The following UGGT1 variants were observed in gnomAD, a reference collection of about 807,000 sequenced individuals.
UGGT1 encodes UDP-glucose:glycoprotein glucosyltransferase 1.
UGGT1 carries 107 observed loss-of-function variants against 203.9 expected under a neutral mutation model. The observed-to-expected ratio is 0.52, with a 90% CI of 0.45 to 0.62. The LOEUF (loss-of-function observed/expected upper bound fraction) is 0.62. Ranked by LOEUF, UGGT1 falls within the 20% of genes least tolerant of loss-of-function variation. The pLI, the probability that UGGT1 is intolerant of heterozygous loss-of-function variation, is 0.00. For missense variants in UGGT1, 1,673 were observed against 1,867.2 expected (o/e 0.90, Z 1.92); for synonymous variants, 628 against 653.5 (o/e 0.96, Z 0.59).
chr2:128,117,873 C>G (rs1688193105), intron 8 of UGGT1, among the ~76,000 whole-genome samples: 1 of 151,662 alleles, frequency 6.6e-6, no homozygotes, highest in South Asian at 2.1e-4. Context: ...AGCTGTTATT[C>G]TAAAAGTTGA....
chr2:128,097,088 T>C (rs534248213), intron 1 of UGGT1, among the ~76,000 whole-genome samples: 2 of 152,342 alleles, frequency 1.3e-5, no homozygotes, highest in East Asian at 3.9e-4. Flanking sequence ...AAAATTACCT[T>C]GTAGCAGGCC....
In UGGT1 at chr2:128,160,390, A is replaced by G. The variant is rs3991234; in HGVS notation, c.2563-70A>G. 4.9e-4 allele frequency: 716 copies of G among 1,459,598 alleles called. 2 individuals are homozygous for G. The African/African-American group carries it at 9.6e-3, about 20-fold the overall frequency. 90.4% of individuals were successfully genotyped at this position (1,459,598 alleles called of 1,614,324 possible). A position where few individuals can be genotyped will look rare whatever the true frequency, so the allele number is the denominator to read the frequency against. ...GGAAAGAAATTTTTATGGTTTATTC[A>G]CTGTGTTTATTTGTTTATATGGTTT... On this transcript the variant is annotated intron_variant, in intron 23 of 40. Coordinates refer to ENST00000259253, the MANE Select transcript of UGGT1 (RefSeq NM_020120.4).
chr2:128,114,310 G>T (rs1218504638), intron 6 of UGGT1, among the ~76,000 whole-genome samples: 1 of 151,922 alleles, frequency 6.6e-6, no homozygotes, highest in Non-Finnish European at 1.5e-5. Context: ...TAGAGAGGGG[G>T]TTTCACCATG....
At position 128,159,452 on chromosome 2, in the gene UGGT1, A is replaced by G. The variant is rs187600047; in HGVS notation, c.2356-62A>G. 6 of 1,456,114 alleles carry G rather than the reference A, an allele frequency of 4.1e-6. No homozygotes were observed. The African/African-American group carries it at 4.2e-5, about 10-fold the overall frequency. The allele number at this position is 1,456,114 out of a possible 1,614,324, so 90.2% of individuals were successfully genotyped here. A position where few individuals can be genotyped will look rare whatever the true frequency, so the allele number is the denominator to read the frequency against. On this transcript the variant is annotated intron_variant, in intron 22 of 40. Coordinates refer to ENST00000259253, the MANE Select transcript of UGGT1 (RefSeq NM_020120.4). The stretch of plus-strand genomic sequence containing the variant: ...TACTTATTGAACATGACTGATGTTA[A>G]TGCTGCTTTTTAAGTTCAAAAATAT...
At chr2:128,183,334 G>T (rs1027328599) in intron 37 of UGGT1, among the ~76,000 whole-genome samples, 1 of 151,328 alleles carries the variant, frequency 6.6e-6, no homozygotes, top group Non-Finnish European at 1.5e-5. Context: ...TCCCCCCCCT[G>T]TAACATTGAA....
intron 28 of UGGT1, among the ~76,000 whole-genome samples, chr2:128,171,689 G>A (rs1691112505): frequency 6.6e-6 from 1 of 152,054 alleles, no homozygotes. Flanking sequence ...TGTATTTTTA[G>A]TAGAGACGGG....
chr2:128,183,663 T>G lies in UGGT1; in HGVS notation c.4245-12T>G, dbSNP rs1558829772. Reference sequence around the variant, plus strand: ...CATGGTTGGTTGTAACAAGCGGGTCTTCTTTATTCAGTGCACTATATGTTG... The same window carrying G: ...CATGGTTGGTTGTAACAAGCGGGTCGTCTTTATTCAGTGCACTATATGTTG... On this transcript the variant is annotated splice_polypyrimidine_tract_variant and intron_variant, in intron 37 of 40. Coordinates refer to ENST00000259253, the MANE Select transcript of UGGT1 (RefSeq NM_020120.4). The G allele has an allele frequency of 6.2e-7, 1 of 1,605,622 alleles. No individual in the cohort carries two copies. Among genetic ancestry groups the G allele is most frequent in the Non-Finnish European group, 8.5e-7 (1 of 1,173,054 alleles).
intron 9 of UGGT1, 40 bp downstream of exon 9, chr2:128,120,496 C>G: frequency 1.3e-6 from 2 of 1,557,656 alleles, no homozygotes; most frequent in Non-Finnish European, 1.8e-6. Flanking sequence ...TACTTTTTGG[C>G]TAAGTTTTAT....
Position 128,097,432 on chromosome 2 carries a change from T to C in UGGT1, c.62T>C (p.Val21Ala). The change falls in exon 2 of 41, where the codon GTT becomes GCT. Residue 21 changes from valine (V) to alanine (A), a missense_variant. By Grantham distance (64) the Val-to-Ala change is moderately conservative (BLOSUM62 0). Coordinates refer to ENST00000259253, the MANE Select transcript of UGGT1 (RefSeq NM_020120.4). ...CAAGALPVTG[V>A]CYKMGVLVVL... ...TCTTTTCTTTTTTTCCTTTTAGGAG[T>C]TTGCTATAAAATGGGAGTTCTGGTT... 6.2e-7 allele frequency: 1 copy of C among 1,601,556 alleles called. No homozygotes were observed. Among genetic ancestry groups the C allele is most frequent in the Non-Finnish European group, 8.5e-7 (1 of 1,176,916 alleles).
At chr2:128,183,971 G>T (rs1416077908) in intron 38 of UGGT1, among the ~76,000 whole-genome samples, 182 bp downstream of exon 38, 2 of 150,636 alleles carry the variant, frequency 1.3e-5, no homozygotes, top group Non-Finnish European at 3.0e-5. Flanking sequence ...ATTTTTATCT[G>T]CCCTCAAGAC....
At chr2:128,164,960 C>T (rs892482783) in intron 26 of UGGT1, 135 bp downstream of exon 26, 4 of 613,934 alleles carry the variant, frequency 6.5e-6, no homozygotes, top group Admixed American at 3.7e-5. Context: ...GTTTGGTGTG[C>T]AGTTTTCACA....
At chr2:128,157,525 T>C (rs919886793) in intron 22 of UGGT1, among the ~76,000 whole-genome samples, 179 bp downstream of exon 22, 1 of 152,208 alleles carries the variant, frequency 6.6e-6, no homozygotes, top group Non-Finnish European at 1.5e-5. Flanking sequence ...GATCTAAGAC[T>C]ACAGTATCCA....
Position 128,193,906 on chromosome 2 carries a change from G to A in UGGT1, c.*4164G>A, listed in dbSNP as rs1276875557. On this transcript the variant is annotated 3_prime_UTR_variant, in exon 41 of 41. Coordinates refer to ENST00000259253, the MANE Select transcript of UGGT1 (RefSeq NM_020120.4). The stretch of plus-strand genomic sequence containing the variant: ...AAAAGAAAGAACTCAGAGTTACAAG[G>A]GAAAAAGAAAAAGAGTTACAAGGGA... The A allele has an allele frequency of 2.6e-5, 4 of 151,968 alleles. No homozygotes were observed. Among genetic ancestry groups the A allele is most frequent in the Non-Finnish European group, 4.4e-5 (3 of 67,976 alleles). 9.4% of individuals were successfully genotyped at this position (151,968 alleles called of 1,614,324 possible).
intron 34 of UGGT1, 43 bp downstream of exon 34, chr2:128,178,612 G>C (rs773103814): frequency 1.3e-6 from 2 of 1,540,014 alleles, no homozygotes; most frequent in Non-Finnish European, 8.9e-7. Context: ...TGAATGAATT[G>C]GTCAGTGTTC....
rs567938588 is a variant in UGGT1 at position 128,115,066 on chromosome 2, T to C, written c.697-58T>C. 106 of 1,496,262 alleles carry C rather than the reference T, an allele frequency of 7.1e-5. 1 individual carries two copies. Among genetic ancestry groups the C allele is most frequent in the Middle Eastern group, 6.8e-4 (4 of 5,868 alleles). The allele number at this position is 1,496,262 out of a possible 1,614,324, so 92.7% of individuals were successfully genotyped here. On this transcript the variant is annotated intron_variant, in intron 6 of 40. Coordinates refer to ENST00000259253, the MANE Select transcript of UGGT1 (RefSeq NM_020120.4). Reference sequence around the variant, plus strand: ...GCAACATTAACATGGTCATGCCATGTACACTGTGACATAGAAAGAGCTAGG... The same window carrying C: ...GCAACATTAACATGGTCATGCCATGCACACTGTGACATAGAAAGAGCTAGG...
rs1328495104 is a variant in UGGT1 at position 128,191,318 on chromosome 2, G to A, written c.*1576G>A. Reference sequence around the variant, plus strand: ...TCAAATGCAAAAGTTAGCCTAGGAAGCCTCCCAGTCATCCTGAAGGACCTT... The same window carrying A: ...TCAAATGCAAAAGTTAGCCTAGGAAACCTCCCAGTCATCCTGAAGGACCTT... On this transcript the variant is annotated 3_prime_UTR_variant, in exon 41 of 41. Transcript: ENST00000259253. The A allele has an allele frequency of 6.6e-6, 1 of 152,194 alleles. No homozygotes were observed. The highest frequency in any genetic ancestry group is 2.4e-5 in the African/African-American group (1 of 41,450). 9.4% of individuals were successfully genotyped at this position (152,194 alleles called of 1,614,324 possible). A position where few individuals can be genotyped will look rare whatever the true frequency, so the allele number is the denominator to read the frequency against.
chr2:128,104,318 G>A (rs1197073486), intron 3 of UGGT1, among the ~76,000 whole-genome samples: 1 of 152,112 alleles, frequency 6.6e-6, no homozygotes, highest in Non-Finnish European at 1.5e-5. Context: ...AAATCATTCA[G>A]TATTAATAAC....
intron 16 of UGGT1, among the ~76,000 whole-genome samples, chr2:128,142,767 G>C (rs1689499944): frequency 6.6e-6 from 1 of 151,738 alleles, no homozygotes; most frequent in African/African-American, 2.4e-5. Flanking sequence ...TGGATCACCT[G>C]AGGTCAGGGT....
intron 11 of UGGT1, 73 bp downstream of exon 11, chr2:128,123,319 GC>G: frequency 8.1e-7 from 1 of 1,240,540 alleles, no homozygotes; most frequent in Non-Finnish European, 1.2e-6. Context: ...AGTTTAATCA[GC>G]AGCATTTAAC....
Sources: allele counts gnomAD v4.1 joint callset (sites outside exome capture counted in the v4.1 genomes callset), GRCh38; gene constraint gnomAD v4.1.1; transcripts MANE v1.5; gene names NCBI Gene and HGNC (gene_info 2026-07-23, HGNC 2026-07-21).